Variants in CNBD1 observed in about 807,000 individuals in gnomAD.
CNBD1 encodes the protein cyclic nucleotide binding domain containing 1, also known as cyclic nucleotide-binding domain-containing protein 1.
Under a neutral mutation model 54.4 loss-of-function variants are expected in CNBD1, and 71 were observed. The ratio of observed to expected loss-of-function variants is 1.30; its 90% CI spans 1.08 to 1.59. The LOEUF is 1.59. Ranked by LOEUF, CNBD1 falls within the 40% of genes most tolerant of loss-of-function variation. The pLI is 0.00. For synonymous variants in CNBD1, 182 were observed against 170.7 expected (o/e 1.07, Z -0.51); for missense variants, 659 against 518.0 (o/e 1.27, Z -2.64).
chr8:87,032,566 CA>C (rs938927263), intron 4 of CNBD1, among the ~76,000 whole-genome samples: 1 of 152,092 alleles, frequency 6.6e-6, no homozygotes, highest in Non-Finnish European at 1.5e-5. Flanking sequence ...TTTGCTGTCT[CA>C]GGGGTGGCAC....
chr8:87,423,284 T>C (rs911533233), intron 2 of CNBD1, among the ~76,000 whole-genome samples: 1 of 150,062 alleles, frequency 6.7e-6, no homozygotes, highest in African/African-American at 2.5e-5. Context: ...TCCTGCCTAA[T>C]TGCCCTGGCC....
At chr8:87,075,076 A>G (rs1315141929) in intron 4 of CNBD1, among the ~76,000 whole-genome samples, 1 of 152,236 alleles carries the variant, frequency 6.6e-6, no homozygotes, top group African/African-American at 2.4e-5. Flanking sequence ...TATTATGAAT[A>G]TTAAATAAGT....
intron 4 of CNBD1, among the ~76,000 whole-genome samples, chr8:87,092,020 T>C (rs372496399): frequency 5.4e-4 from 82 of 152,300 alleles, no homozygotes; most frequent in African/African-American, 1.8e-3. Flanking sequence ...TTTTTACATA[T>C]AACAAATGCA....
rs78891779 is a variant in CNBD1 at position 86,903,266 on chromosome 8, A to G, written c.159-1815A>G. Among the ~76,000 whole-genome samples, 91 of 152,306 alleles carry G rather than the reference A, an allele frequency of 6.0e-4. No homozygotes were observed. In the East Asian group the frequency reaches 0.015, roughly 25 times the overall value. ...AACTAAGGTTATACACATAAAGTGT[A>G]TAAGTGTAACTAAGGTTATACACAT... On this transcript the variant is annotated intron_variant, in intron 2 of 10. Transcript: ENST00000518476.
At position 86,939,654 on chromosome 8, in the gene CNBD1, A is replaced by C. The variant is rs1224697707; in HGVS notation, c.331A>C (p.Ile111Leu). Reference sequence around the variant, plus strand: ...TCAACAACCTGATGATTCTAACAATATAGCTGTCCATGTTCAGAGAGCACA... The same window carrying C: ...TCAACAACCTGATGATTCTAACAATCTAGCTGTCCATGTTCAGAGAGCACA... Reference protein sequence around the residue: ...QHQQPDDSNNIAVHVQRAHGG... With the variant: ...QHQQPDDSNNLAVHVQRAHGG... The change falls in exon 4 of 11, where the codon ATA becomes CTA. Residue 111 changes from isoleucine (I) to leucine (L), a missense_variant. Coordinates refer to ENST00000518476, the MANE Select transcript of CNBD1 (RefSeq NM_173538.3). 2.5e-6 allele frequency: 4 copies of C among 1,606,336 alleles called. No homozygotes were observed. The South Asian group carries it at 4.5e-5, about 18-fold the overall frequency.
chr8:86,994,986 G>T (rs1033052271), intron 4 of CNBD1, among the ~76,000 whole-genome samples: 1 of 152,052 alleles, frequency 6.6e-6, no homozygotes, highest in Non-Finnish European at 1.5e-5. Flanking sequence ...ATCTGAAGGG[G>T]GACAAAGAGC....
intron 3 of CNBD1, among the ~76,000 whole-genome samples, chr8:86,911,303 C>G (rs1209665536): frequency 6.6e-6 from 1 of 152,132 alleles, no homozygotes; most frequent in East Asian, 1.9e-4. Context: ...AAAGGCAAGC[C>G]TTGCTGAGGA....
At chr8:86,969,801 C>CGT (rs1563842053) in intron 4 of CNBD1, among the ~76,000 whole-genome samples, 1 of 136,462 alleles carries the variant, frequency 7.3e-6, no homozygotes, top group Non-Finnish European at 1.7e-5. Flanking sequence ...TATACACACA[C>CGT]ACACACACAC....
chr8:87,212,206 G>A (rs1814113808), intron 5 of CNBD1, among the ~76,000 whole-genome samples: 1 of 151,980 alleles, frequency 6.6e-6, no homozygotes, highest in Non-Finnish European at 1.5e-5. Flanking sequence ...ATAAAACATT[G>A]TTGAAAGAAA....
At chr8:87,223,976 A>T (rs1371258306) in intron 5 of CNBD1, among the ~76,000 whole-genome samples, 1 of 152,026 alleles carries the variant, frequency 6.6e-6, no homozygotes, top group Non-Finnish European at 1.5e-5. Flanking sequence ...TTTGATTTGC[A>T]TTTCTCTGAT....
chr8:87,289,444 G>A (rs1220951972), intron 8 of CNBD1, among the ~76,000 whole-genome samples: 1 of 152,052 alleles, frequency 6.6e-6, no homozygotes, highest in African/African-American at 2.4e-5. Flanking sequence ...TGGCCAACTT[G>A]AAAGCGACAA....
chr8:87,422,981 G>T lies in CNBD1; in HGVS notation c.214-5565G>T, dbSNP rs560870213. Reference sequence around the variant, plus strand: ...GCGGTTTGTAGTTCTCCTTGAAGAGGTCCTTCACATCCCTTGTAAGTTGGA... The same window carrying T: ...GCGGTTTGTAGTTCTCCTTGAAGAGTTCCTTCACATCCCTTGTAAGTTGGA... On this transcript the variant is annotated intron_variant, in intron 2 of 7. Transcript: ENST00000521593. Among the ~76,000 whole-genome samples, 3 of 151,856 alleles carry T rather than the reference G, an allele frequency of 2.0e-5. No individual in the cohort carries two copies. The South Asian group carries it at 6.2e-4, about 32-fold the overall frequency.
chr8:87,131,243 T>C (rs1057147356), intron 4 of CNBD1, among the ~76,000 whole-genome samples: 1 of 152,148 alleles, frequency 6.6e-6, no homozygotes, highest in Non-Finnish European at 1.5e-5. Flanking sequence ...TTTTACTACT[T>C]TTTATTTCTC....
At chr8:87,400,267 T>C (rs1022040571) in intron 2 of CNBD1, among the ~76,000 whole-genome samples, 1 of 151,938 alleles carries the variant, frequency 6.6e-6, no homozygotes, top group Non-Finnish European at 1.5e-5. Context: ...GCAATTACTT[T>C]TGCACCAAAC....
chr8:87,138,685 G>A (rs1812310167), intron 4 of CNBD1, among the ~76,000 whole-genome samples: 1 of 152,034 alleles, frequency 6.6e-6, no homozygotes, highest in African/African-American at 2.4e-5. Context: ...GCTCCTCTCG[G>A]GTGTTCCCAT....
At chr8:87,107,294 T>C (rs913096553) in intron 4 of CNBD1, among the ~76,000 whole-genome samples, 2 of 152,224 alleles carry the variant, frequency 1.3e-5, no homozygotes, top group African/African-American at 4.8e-5. Context: ...CCACCTCTCC[T>C]GTTTCCTTCC....
At chr8:87,365,361 AC>A (rs1289147138) in intron 10 of CNBD1, among the ~76,000 whole-genome samples, 1 of 151,662 alleles carries the variant, frequency 6.6e-6, no homozygotes, top group Non-Finnish European at 1.5e-5. Flanking sequence ...TTTTGCTTGT[AC>A]ATTTGTTTAA....
At chr8:86,972,944 G>A (rs1808259235) in intron 4 of CNBD1, among the ~76,000 whole-genome samples, 1 of 152,132 alleles carries the variant, frequency 6.6e-6, no homozygotes, top group Non-Finnish European at 1.5e-5. Flanking sequence ...ACTTCTTGCT[G>A]TCCCCTCATC....
chr8:86,909,036 G>C lies in CNBD1; in HGVS notation c.272+3842G>C, dbSNP rs546128034. Among the ~76,000 whole-genome samples, 4 of 152,218 alleles carry C rather than the reference G, an allele frequency of 2.6e-5. No homozygotes were observed. The South Asian group carries it at 8.3e-4, about 32-fold the overall frequency. Reference sequence around the variant, plus strand: ...CTCTCAAAGTGCTGGGATTACAGGCGTGAGCCACTGCGCGGGGCCAAGAAT... The same window carrying C: ...CTCTCAAAGTGCTGGGATTACAGGCCTGAGCCACTGCGCGGGGCCAAGAAT... On this transcript the variant is annotated intron_variant, in intron 3 of 10. Transcript: ENST00000518476.
Sources: allele counts gnomAD v4.1 joint callset (sites outside exome capture counted in the v4.1 genomes callset), GRCh38; gene constraint gnomAD v4.1.1; transcripts MANE v1.5; gene names NCBI Gene and HGNC (gene_info 2026-07-23, HGNC 2026-07-21).